Variants in GRIA1 observed in about 807,000 individuals in gnomAD.
The protein encoded by GRIA1 is glutamate receptor 1.
In GRIA1, 31 loss-of-function variants were observed where a neutral mutation model predicts 99.2. The observed-to-expected ratio is 0.31, with a 90% CI of 0.23 to 0.42. The LOEUF is 0.42. Among genes scored for constraint, GRIA1 ranks in the 10% least tolerant of loss-of-function variants. The pLI is 1.00. For missense variants in GRIA1, 782 were observed against 1,157.5 expected, an observed-to-expected ratio of 0.68 and a Z score of 4.71; for synonymous variants, 438 against 432.4, an observed-to-expected ratio of 1.01 and a Z score of -0.16.
intron 7 of GRIA1, among the ~76,000 whole-genome samples, chr5:153,680,446 G>A (rs917255996): frequency 5.3e-5 from 8 of 152,088 alleles, no homozygotes; most frequent in African/African-American, 1.9e-4. Flanking sequence ...GGAGGTAATA[G>A]GCATTTGAGA....
chr5:153,537,206 C>T (rs980627994), intron 2 of GRIA1, among the ~76,000 whole-genome samples: 1 of 152,176 alleles, frequency 6.6e-6, no homozygotes, highest in African/African-American at 2.4e-5. Context: ...GAGATGATGT[C>T]TGCTCTCCTC....
chr5:153,754,914 T>C (rs567030450), intron 11 of GRIA1, among the ~76,000 whole-genome samples: 1 of 152,292 alleles, frequency 6.6e-6, no homozygotes, highest in South Asian at 2.1e-4. Context: ...ACAGATGCCA[T>C]AGTTCTGCTG....
intron 2 of GRIA1, among the ~76,000 whole-genome samples, chr5:153,563,374 C>A (rs1761326426): frequency 6.6e-6 from 1 of 152,104 alleles, no homozygotes; most frequent in South Asian, 2.1e-4. Context: ...TGGAAGACAC[C>A]AATTGTTTCG....
chr5:153,749,540 G>A (rs1477335406), intron 11 of GRIA1, among the ~76,000 whole-genome samples: 2 of 152,104 alleles, frequency 1.3e-5, no homozygotes, highest in African/African-American at 4.8e-5. Flanking sequence ...GAAAGAGAGA[G>A]GAAGATGCCA....
chr5:153,733,401 A>C (rs11744083), intron 11 of GRIA1, among the ~76,000 whole-genome samples: 56,611 of 151,900 alleles, frequency 0.37, 11,665 homozygotes, highest in East Asian at 0.93. Flanking sequence ...GAAAGGAATC[A>C]AGGCATACCA....
At chr5:153,580,336 G>A (rs1561660077) in intron 2 of GRIA1, among the ~76,000 whole-genome samples, 1 of 152,124 alleles carries the variant, frequency 6.6e-6, no homozygotes, top group Non-Finnish European at 1.5e-5. Flanking sequence ...CTCCCTTCAG[G>A]GATTTGGGCA....
intron 2 of GRIA1, among the ~76,000 whole-genome samples, chr5:153,637,533 C>T: frequency 6.6e-6 from 1 of 152,188 alleles, no homozygotes; most frequent in East Asian, 1.9e-4. Flanking sequence ...CACAGTGATG[C>T]TAAGGAGTTT....
chr5:153,494,825 A>T (rs1754255306), intron 2 of GRIA1, among the ~76,000 whole-genome samples: 1 of 152,258 alleles, frequency 6.6e-6, no homozygotes, highest in South Asian at 2.1e-4. Context: ...ATTAATCAGG[A>T]AACATATTTT....
intron 13 of GRIA1, among the ~76,000 whole-genome samples, chr5:153,789,349 T>C (rs1178750395): frequency 6.7e-6 from 1 of 149,954 alleles, no homozygotes; most frequent in Non-Finnish European, 1.5e-5. Context: ...CCTACATATA[T>C]GATATAAATA....
intron 2 of GRIA1, among the ~76,000 whole-genome samples, chr5:153,627,329 AC>A (rs1767726333): frequency 4.6e-5 from 7 of 152,180 alleles, no homozygotes; most frequent in Admixed American, 4.6e-4. Context: ...TTTCAGAGTT[AC>A]TAATTAACTT....
At chr5:153,770,961 T>C (rs1014683683) in intron 13 of GRIA1, among the ~76,000 whole-genome samples, 1 of 152,234 alleles carries the variant, frequency 6.6e-6, no homozygotes, top group Non-Finnish European at 1.5e-5. Flanking sequence ...GAGACTGATT[T>C]ATTTAGCAAG....
rs142444359 is a variant in GRIA1 at position 153,567,958 on chromosome 5, G to T, written c.220+73893G>T. ...AAGCCAGTAAGTCAGGGATAAATGG[G>T]TGCTCTCAAATATAGGAAATAAGCT... On this transcript the variant is annotated intron_variant, in intron 2 of 15. Transcript: ENST00000285900. Among the ~76,000 whole-genome samples the T allele has an allele frequency of 4.4e-3, 671 of 152,260 alleles. 3 individuals carry two copies. Among genetic ancestry groups the T allele is most frequent in the Middle Eastern group, 0.01 (3 of 294 alleles).
At chr5:153,778,651 CCACACACACACACACA>C (rs57534899) in intron 13 of GRIA1, among the ~76,000 whole-genome samples, 8 of 147,288 alleles carry the variant, frequency 5.4e-5, no homozygotes, top group African/African-American at 1.7e-4. Context: ...TCACCCCCCA[CCACACACACACACACA>C]CACACACACA....
At chr5:153,703,704 C>T (rs943724922) in intron 10 of GRIA1, among the ~76,000 whole-genome samples, 4 of 152,172 alleles carry the variant, frequency 2.6e-5, no homozygotes, top group African/African-American at 4.8e-5. Context: ...CACCACTGCA[C>T]TCCAACCTGG....
At chr5:153,780,554 A>G (rs186097517) in intron 13 of GRIA1, among the ~76,000 whole-genome samples, 1 of 152,362 alleles carries the variant, frequency 6.6e-6, no homozygotes, top group East Asian at 1.9e-4. Flanking sequence ...GAGATAATAC[A>G]AAGTGTTTAG....
intron 13 of GRIA1, among the ~76,000 whole-genome samples, chr5:153,776,577 C>T (rs866916657): frequency 1.3e-5 from 2 of 152,248 alleles, no homozygotes; most frequent in African/African-American, 4.8e-5. Context: ...CTATATCTGG[C>T]CTTTATCAAT....
At chr5:153,574,563 G>A (rs534652393) in intron 2 of GRIA1, among the ~76,000 whole-genome samples, 1 of 152,236 alleles carries the variant, frequency 6.6e-6, no homozygotes, top group Admixed American at 6.5e-5. Context: ...GCTAATTAGA[G>A]AAGTAATTTT....
At chr5:153,784,910 T>C (rs1764876216) in intron 13 of GRIA1, among the ~76,000 whole-genome samples, 1 of 152,170 alleles carries the variant, frequency 6.6e-6, no homozygotes, top group Non-Finnish European at 1.5e-5. Flanking sequence ...CAGCCATGCT[T>C]TTCCTCGGCA....
intron 11 of GRIA1, among the ~76,000 whole-genome samples, chr5:153,735,061 A>G (rs534416604): frequency 1.3e-5 from 2 of 152,208 alleles, no homozygotes; most frequent in South Asian, 4.1e-4. Flanking sequence ...ATTGTTAAAC[A>G]CCCTGCAATA....
Sources: allele counts gnomAD v4.1 joint callset (sites outside exome capture counted in the v4.1 genomes callset), GRCh38; gene constraint gnomAD v4.1.1; transcripts MANE v1.5; gene names NCBI Gene and HGNC (gene_info 2026-07-23, HGNC 2026-07-21).